AP5Z1: variants seen among roughly 807,000 people sequenced by gnomAD.
AP5Z1 encodes AP-5 complex subunit zeta-1.
AP5Z1 carries 106 observed loss-of-function variants against 83.0 expected under a neutral mutation model. The observed-to-expected ratio is 1.28, with a 90% CI of 1.09 to 1.50. AP5Z1 has a LOEUF of 1.50. Among genes scored for constraint, AP5Z1 ranks in the 40% most tolerant of loss-of-function variants. AP5Z1 has a pLI of 0.00. For synonymous variants in AP5Z1, 751 were observed against 514.1 expected (o/e 1.46, Z -6.23); for missense variants, 1,565 against 1,094.2 (o/e 1.43, Z -6.07).
At chr7:4,781,136 C>T (rs761732987) in intron 1 of AP5Z1, 39 bp from the exon 2 acceptor site, 159 of 1,597,104 alleles carry the variant, frequency 1.0e-4, no homozygotes, top group Non-Finnish European at 1.3e-4. Flanking sequence ...TTCCGAGCAG[C>T]GAGTGCTTCT....
rs1441366617 is a variant in AP5Z1 at position 4,794,381 on chromosome 7, A to G, written c.*2996A>G. 1 of 152,316 alleles carries G rather than the reference A, an allele frequency of 6.6e-6. No individual in the cohort carries two copies. 9.4% of individuals were successfully genotyped at this position (152,316 alleles called of 1,614,324 possible). ...TTTGTTTGTTCGCTCTTTGCAATAAATCTTGCTGCTGCTCACTCTTTGGGT... is the reference window on the plus strand; with the variant it reads ...TTTGTTTGTTCGCTCTTTGCAATAAGTCTTGCTGCTGCTCACTCTTTGGGT... On this transcript the variant is annotated 3_prime_UTR_variant, in exon 17 of 17. Coordinates refer to ENST00000649063, the MANE Select transcript of AP5Z1 (RefSeq NM_014855.3).
chr7:4,786,766 A>G (rs559155304), intron 10 of AP5Z1, among the ~76,000 whole-genome samples: 1 of 149,362 alleles, frequency 6.7e-6, no homozygotes, highest in Non-Finnish European at 1.5e-5. Context: ...CTTGGGTGCC[A>G]TTTGCCTTTT....
At chr7:4,777,325 T>C (rs1254465765) in intron 1 of AP5Z1, among the ~76,000 whole-genome samples, 2 of 152,006 alleles carry the variant, frequency 1.3e-5, no homozygotes, top group Non-Finnish European at 1.5e-5. Flanking sequence ...CATAAACTTG[T>C]GACATGAAAA....
chr7:4,784,594 C>G (rs961153343), intron 6 of AP5Z1, among the ~76,000 whole-genome samples: 1 of 152,120 alleles, frequency 6.6e-6, no homozygotes, highest in Middle Eastern at 3.2e-3. Context: ...CTCTGGACAC[C>G]CCGTGACCCT....
chr7:4,789,782 G>A, intron 13 of AP5Z1, 50 bp from the exon 14 acceptor site: 4 of 1,464,446 alleles, frequency 2.7e-6, no homozygotes, highest in Non-Finnish European at 3.7e-6. Flanking sequence ...CCAACCTTAG[G>A]GCCTGCAGTG....
At position 4,787,667 on chromosome 7, in the gene AP5Z1, G is replaced by A. The variant is rs370338603; in HGVS notation, c.1345G>A (p.Glu449Lys). The A allele has an allele frequency of 1.5e-4, 240 of 1,552,964 alleles. No individual in the cohort carries two copies. The highest frequency in any genetic ancestry group is 2.0e-4 in the Non-Finnish European group (233 of 1,148,858). The stretch of plus-strand genomic sequence containing the variant: ...CTGGAACAGCCCACCCCTCACCTCC[G>A]AGTTTGTGGCGCTCCTCCCGGCCCT... ...LAWNSPPLTS[E>K]FVALLPALVD... is the part of the protein sequence containing the mutation. The change falls in exon 11 of 17, where the codon GAG becomes AAG. Residue 449 changes from glutamate (E) to lysine (K), a missense_variant. By Grantham distance (56) the Glu-to-Lys change is moderately conservative. Coordinates refer to ENST00000649063, the MANE Select transcript of AP5Z1 (RefSeq NM_014855.3).
intron 13 of AP5Z1, 35 bp from the exon 14 acceptor site, chr7:4,789,797 T>A: frequency 6.6e-7 from 1 of 1,524,166 alleles, no homozygotes. Context: ...GCAGTGGGGG[T>A]GGGGCTGAGC....
At chr7:4,780,491 G>A (rs947748778) in intron 1 of AP5Z1, among the ~76,000 whole-genome samples, 4 of 152,036 alleles carry the variant, frequency 2.6e-5, no homozygotes, top group South Asian at 2.1e-4. Context: ...TAGGCCAGGC[G>A]CGGTGGCTCA....
rs370135619 is a variant in AP5Z1, at chr7:4,788,172, C to G, written c.1473C>G (p.Ser491=). 384 of 1,555,196 alleles carry G rather than the reference C, an allele frequency of 2.5e-4. 2 individuals carry two copies. The Middle Eastern group carries it at 3.0e-3, about 12-fold the overall frequency. The change falls in exon 12 of 17, where the codon TCC becomes TCG. Residue 491 remains serine, a synonymous_variant. Coordinates refer to ENST00000649063, the MANE Select transcript of AP5Z1 (RefSeq NM_014855.3). ...CACGCAGGTCAGCACCGGCTGCATC[C>G]GAGAGGCCACTCTGGGACACCTCTC... ...DLQLRSAPAA[S]ERPLWDTSLR...
rs1383666113 is a variant in AP5Z1 at position 4,791,809 on chromosome 7, G to T, written c.*424G>T. On this transcript the variant is annotated 3_prime_UTR_variant, in exon 17 of 17. Coordinates refer to ENST00000649063, the MANE Select transcript of AP5Z1 (RefSeq NM_014855.3). ...TCCGTTACCTGCCCTGCACCCTGGG[G>T]AGAGGACCAGGGATGGGAACCCCTG... is the stretch of plus-strand genomic sequence containing the variant. The T allele has an allele frequency of 1.8e-5, 3 of 166,308 alleles. No individual in the cohort carries two copies. Among genetic ancestry groups the T allele is most frequent in the East Asian group, 1.7e-4 (1 of 5,788 alleles). 10.3% of individuals were successfully genotyped at this position (166,308 alleles called of 1,614,324 possible).
At chr7:4,783,049 G>A (rs181123369) in intron 3 of AP5Z1, among the ~76,000 whole-genome samples, 183 of 152,318 alleles carry the variant, frequency 1.2e-3, no homozygotes, top group African/African-American at 3.1e-3. Flanking sequence ...CATGGTGGCC[G>A]CCAGTGTGTT....
Position 4,776,562 on chromosome 7 carries a change from CAAAAAAAA to C in AP5Z1, c.41+822_41+829del, listed in dbSNP as rs55916241. ...GGAAACCACGTCTCTACTGAAAATA[CAAAAAAAA>C]AAAAAAAAAAAAAAATTAGCCGGGC... On this transcript the variant is annotated intron_variant, in intron 1 of 16. Transcript: ENST00000649063. 2.5e-3 allele frequency among the ~76,000 whole-genome samples: 206 copies of C among 82,412 alleles called. 4 individuals are homozygous for C. Among genetic ancestry groups the C allele is most frequent in the South Asian group, 0.012 (29 of 2,416 alleles). The allele number at this position is 82,412 out of a possible 152,430, so 54.1% of individuals were successfully genotyped here. A position where few individuals can be genotyped will look rare whatever the true frequency, so the allele number is the denominator to read the frequency against.
intron 1 of AP5Z1, among the ~76,000 whole-genome samples, chr7:4,779,643 T>C (rs1344031019): frequency 1.3e-5 from 2 of 148,930 alleles, no homozygotes; most frequent in Non-Finnish European, 3.0e-5. Context: ...TTTATTTTTA[T>C]TTTTTTTTGT....
chr7:4,779,162 T>A (rs1482283825), intron 1 of AP5Z1, among the ~76,000 whole-genome samples: 1 of 143,218 alleles, frequency 7.0e-6, no homozygotes, highest in Non-Finnish European at 1.5e-5. Flanking sequence ...ATAACAACTA[T>A]ATAACATATA....
chr7:4,785,991 G>T (rs866070093), intron 9 of AP5Z1, among the ~76,000 whole-genome samples: 1 of 152,030 alleles, frequency 6.6e-6, no homozygotes, highest in African/African-American at 2.4e-5. Flanking sequence ...TCTTTTTGCT[G>T]TGTCCCTAGC....
At position 4,791,098 on chromosome 7, in the gene AP5Z1, G is replaced by A. The variant is rs1253835628; in HGVS notation, c.2154-17G>A. On this transcript the variant is annotated splice_polypyrimidine_tract_variant and intron_variant, in intron 16 of 16. Transcript: ENST00000649063. ...AGGGGAGCATCTGCAGCTGACGGAG[G>A]GACCTTCTTTCCCCAGGGCCTCTTT... is the stretch of plus-strand genomic sequence containing the variant. The A allele has an allele frequency of 1.9e-6, 3 of 1,562,332 alleles. No homozygotes were observed. Among genetic ancestry groups the A allele is most frequent in the African/African-American group, 1.4e-5 (1 of 73,978 alleles).
chr7:4,786,247 C>G lies in AP5Z1; in HGVS notation c.1133-3C>G. 6.3e-7 allele frequency: 1 copy of G among 1,598,218 alleles called. No individual in the cohort carries two copies. Among genetic ancestry groups the G allele is most frequent in the Non-Finnish European group, 8.5e-7 (1 of 1,170,778 alleles). On this transcript the variant is annotated splice_region_variant and splice_polypyrimidine_tract_variant and intron_variant, in intron 9 of 16. Transcript: ENST00000649063. The stretch of plus-strand genomic sequence containing the variant: ...TGTGCCCTGGCGGGCCCTGGTCTTG[C>G]AGGGGAAGCGGCTGCAGTGGACTCG...
rs745870220 is a variant in AP5Z1 at position 4,790,772 on chromosome 7, G to A, written c.2038G>A (p.Glu680Lys). Residue 680 changes from glutamate (E) to lysine (K), a missense_variant, in exon 16 of 17, where the codon GAG (glutamate) becomes AAG (lysine). Physicochemically the swap from Glu to Lys is moderately conservative, Grantham distance 56. Transcript: ENST00000649063. ...FFEALEALLF[E>K]VTQCRPSAAL... is the part of the protein sequence containing the mutation. ...CGAAGCCCTGGAGGCTCTGCTATTC[G>A]AGGTCACCCAGTGCCGCCCCTCTGC... 13 of 1,608,660 alleles carry A rather than the reference G, an allele frequency of 8.1e-6. No individual in the cohort carries two copies. Among genetic ancestry groups the A allele is most frequent in the South Asian group, 1.1e-5 (1 of 90,196 alleles).
Position 4,791,126 on chromosome 7 carries a change from T to C in AP5Z1, c.2165T>C (p.Leu722Ser). Reference sequence around the variant, plus strand: ...CCTTCTTTCCCCAGGGCCTCTTTATTGCTGTCAAAGATGAGGACCCTGGCT... The same window carrying C: ...CCTTCTTTCCCCAGGGCCTCTTTATCGCTGTCAAAGATGAGGACCCTGGCT... ...SQDLIPRASLLLSKMRTLAHS... is the reference protein window; with the variant it reads ...SQDLIPRASLSLSKMRTLAHS... Residue 722 changes from leucine (L) to serine (S), a missense_variant, in exon 17 of 17, where the codon TTG (leucine) becomes TCG (serine). By Grantham distance (145) the Leu-to-Ser change is moderately radical. Coordinates refer to ENST00000649063, the MANE Select transcript of AP5Z1 (RefSeq NM_014855.3). 1 of 1,599,700 alleles carries C rather than the reference T, an allele frequency of 6.3e-7. No individual in the cohort carries two copies. Among genetic ancestry groups the C allele is most frequent in the African/African-American group, 1.3e-5 (1 of 74,780 alleles).
Sources: gnomAD v4.1 joint callset for allele counts (sites outside exome capture counted in the v4.1 genomes callset) on GRCh38, gnomAD v4.1.1 for gene constraint, MANE v1.5 for transcripts, NCBI Gene and HGNC (gene_info 2026-07-23, HGNC 2026-07-21) for gene names.